Variants in RTN3 observed in about 807,000 individuals in gnomAD.
RTN3 encodes the protein reticulon 3.
Under a neutral mutation model 77.8 loss-of-function variants are expected in RTN3, and 49 were observed. The observed-to-expected ratio is 0.63, with a 90% CI of 0.50 to 0.80. The LOEUF (loss-of-function observed/expected upper bound fraction) is 0.80, where lower values mean the gene tolerates loss of function less well. Among genes scored for constraint, RTN3 ranks in the 30% least tolerant of loss-of-function variants. RTN3 has a pLI of 0.00. For synonymous variants in RTN3, 464 were observed against 446.9 expected, an observed-to-expected ratio of 1.04 and a Z score of -0.48; for missense variants, 1,236 against 1,211.9, an observed-to-expected ratio of 1.02 and a Z score of -0.29.
intron 3 of RTN3, among the ~76,000 whole-genome samples, chr11:63,749,127 A>G (rs1389881312): frequency 6.6e-6 from 1 of 152,188 alleles, no homozygotes; most frequent in African/African-American, 2.4e-5. Context: ...CAAAAAAGAA[A>G]AAAGTACCTG....
intron 1 of RTN3, among the ~76,000 whole-genome samples, chr11:63,690,714 T>C (rs1941609290): frequency 6.6e-6 from 1 of 152,232 alleles, no homozygotes. Context: ...ACAGAAACTT[T>C]CTAGTCAAGT....
chr11:63,721,089 A>G (rs2011757261), intron 3 of RTN3, 57 bp downstream of exon 3: 1 of 1,451,678 alleles, frequency 6.9e-7, no homozygotes, highest in Non-Finnish European at 9.3e-7. Flanking sequence ...ATTACTTATC[A>G]GCGTGCCATT....
chr11:63,692,871 T>C (rs1941738156), intron 1 of RTN3, among the ~76,000 whole-genome samples: 1 of 152,318 alleles, frequency 6.6e-6, no homozygotes, highest in African/African-American at 2.4e-5. Context: ...TACTTTTTAA[T>C]GGGAACAACT....
chr11:63,755,677 A>T (rs1014527741), intron 7 of RTN3, among the ~76,000 whole-genome samples: 2 of 143,806 alleles, frequency 1.4e-5, no homozygotes, highest in African/African-American at 5.2e-5. Flanking sequence ...AAAAAAAAAA[A>T]GGCTGGGCAC....
At chr11:63,703,584 C>T (rs923109525) in intron 1 of RTN3, among the ~76,000 whole-genome samples, 7 of 151,166 alleles carry the variant, frequency 4.6e-5, no homozygotes, top group Non-Finnish European at 8.8e-5. Flanking sequence ...ACTCTGTCTC[C>T]CAGGCTGGAG....
chr11:63,686,873 A>G (rs1010735147), intron 1 of RTN3, among the ~76,000 whole-genome samples: 2 of 152,172 alleles, frequency 1.3e-5, no homozygotes, highest in Admixed American at 1.3e-4. Context: ...CATGATGCCA[A>G]AATAAAACTA....
intron 3 of RTN3, among the ~76,000 whole-genome samples, chr11:63,743,495 G>A (rs182321407): frequency 6.6e-6 from 1 of 152,064 alleles, no homozygotes. Flanking sequence ...TTAAAATGGA[G>A]AATTATTTTG....
chr11:63,745,578 CCTCTGTTACCTT>C (rs1454731200), intron 3 of RTN3, among the ~76,000 whole-genome samples: 1 of 152,134 alleles, frequency 6.6e-6, no homozygotes, highest in Non-Finnish European at 1.5e-5. Context: ...CCAAGCTCTT[CCTCTGTTACCTT>C]CTCTTTAGTC....
At chr11:63,709,528 G>T (rs1224002226) in intron 2 of RTN3, among the ~76,000 whole-genome samples, 1 of 151,794 alleles carries the variant, frequency 6.6e-6, no homozygotes, top group Non-Finnish European at 1.5e-5. Context: ...TTACAACCCT[G>T]AACTTTGGGG....
intron 1 of RTN3, among the ~76,000 whole-genome samples, chr11:63,703,010 C>T (rs1942320290): frequency 6.6e-6 from 1 of 151,974 alleles, no homozygotes; most frequent in South Asian, 2.1e-4. Flanking sequence ...GAGTTTAATT[C>T]GTAGATGGAC....
At chr11:63,684,349 G>A (rs776611612) in intron 1 of RTN3, among the ~76,000 whole-genome samples, 2 of 151,982 alleles carry the variant, frequency 1.3e-5, no homozygotes, top group African/African-American at 4.8e-5. Flanking sequence ...GGGTTTCACA[G>A]TGTTAGCCAG....
intron 3 of RTN3, among the ~76,000 whole-genome samples, chr11:63,739,228 C>T (rs1042472036): frequency 2.7e-5 from 4 of 149,950 alleles, no homozygotes; most frequent in Admixed American, 6.7e-5. Flanking sequence ...TAATGAATCA[C>T]GAAAAGAGAA....
chr11:63,746,576 G>A (rs142134582), intron 3 of RTN3, among the ~76,000 whole-genome samples: 3,266 of 151,670 alleles, frequency 0.022, 59 homozygotes, highest in Non-Finnish European at 0.035. Flanking sequence ...GTGAAGTGGC[G>A]CAATCTTGGC....
rs1314124614 is a variant in RTN3 at position 63,720,525 on chromosome 11, A to T, written c.2023A>T (p.Lys675Ter). The part of the protein sequence containing the change: ...GIVDSERNAF[K>*]AISEKMTDFK... Reference sequence around the variant, plus strand: ...AGTAGATAGTGAAAGAAATGCTTTTAAAGCAATATCAGAGAAGATGACAGA... The same window carrying T: ...AGTAGATAGTGAAAGAAATGCTTTTTAAGCAATATCAGAGAAGATGACAGA... The change falls in exon 3 of 9, where the codon AAA becomes TAA. Residue 675 changes from lysine to a stop codon, truncating the protein, a stop_gained. Coordinates refer to ENST00000377819, the MANE Select transcript of RTN3 (RefSeq NM_001265589.2). LOFTEE classifies it high-confidence loss of function. The T allele has an allele frequency of 6.2e-7, 1 of 1,613,972 alleles. No individual in the cohort carries two copies. The highest frequency in any genetic ancestry group is 8.5e-7 in the Non-Finnish European group (1 of 1,180,024).
chr11:63,747,882 T>G (rs192248602), intron 3 of RTN3, among the ~76,000 whole-genome samples: 2 of 152,318 alleles, frequency 1.3e-5, no homozygotes, highest in East Asian at 1.9e-4. Flanking sequence ...TAAAGTAATA[T>G]AGTGAGAAAT....
intron 1 of RTN3, among the ~76,000 whole-genome samples, chr11:63,701,058 C>T (rs1942213803): frequency 1.3e-5 from 2 of 150,064 alleles, no homozygotes; most frequent in South Asian, 4.3e-4. Context: ...CCACTGCCCT[C>T]CATCCTGGTG....
At position 63,758,381 on chromosome 11, in the gene RTN3, T is replaced by C. The variant is rs759743123; in HGVS notation, c.*180T>C. The C allele has an allele frequency of 1.0e-5, 16 of 1,553,934 alleles. No homozygotes were observed. The highest frequency in any genetic ancestry group is 2.3e-4 in the Middle Eastern group (1 of 4,440). ...AACCCTCAGTATCAAGCACAAAAAT[T>C]GATGGACTGATAAAAGAACTATCTT... On this transcript the variant is annotated 3_prime_UTR_variant, in exon 9 of 9. Transcript: ENST00000377819.
intron 2 of RTN3, among the ~76,000 whole-genome samples, chr11:63,717,069 G>GGGA (rs1473833430): frequency 1.3e-5 from 2 of 151,928 alleles, no homozygotes; most frequent in Admixed American, 1.3e-4. Flanking sequence ...AGGCTGAGGT[G>GGGA]GGAGGATAGC....
chr11:63,704,794 A>T, intron 1 of RTN3, 57 bp from the exon 2 acceptor site: 1 of 1,290,232 alleles, frequency 7.8e-7, no homozygotes, highest in Non-Finnish European at 1.1e-6. Flanking sequence ...AAAGAAAGTT[A>T]AAGTTAAAAT....
Sources: allele counts gnomAD v4.1 joint callset (sites outside exome capture counted in the v4.1 genomes callset), GRCh38; gene constraint gnomAD v4.1.1; transcripts MANE v1.5; gene names NCBI Gene and HGNC (gene_info 2026-07-23, HGNC 2026-07-21).